The following ZNF407 variants were observed in gnomAD, a reference collection of about 807,000 sequenced individuals.
ZNF407 encodes the protein zinc finger protein 407.
Under a neutral mutation model 131.2 loss-of-function variants are expected in ZNF407, and 17 were observed. The observed-to-expected ratio is 0.13, with a 90% confidence interval of 0.09 to 0.19. ZNF407 has a LOEUF of 0.19. Ranked by LOEUF, ZNF407 falls within the 10% of genes least tolerant of loss-of-function variation. The probability of loss-of-function intolerance (pLI) is 1.00; values close to 1 mark genes in which losing one functional copy is unlikely to be tolerated. For missense variants in ZNF407, 2,681 were observed against 2,830.6 expected (o/e 0.95, Z 1.20); for synonymous variants, 1,156 against 1,062.0 (o/e 1.09, Z -1.72).
intron 8 of ZNF407, among the ~76,000 whole-genome samples, chr18:74,950,848 G>T (rs1972205747): frequency 6.6e-6 from 1 of 152,148 alleles, no homozygotes; most frequent in Admixed American, 6.5e-5. Flanking sequence ...CTTTTAACAG[G>T]ATATGGTTTT....
At chr18:74,618,756 A>G (rs1253446455) in intron 1 of ZNF407, among the ~76,000 whole-genome samples, 1 of 152,196 alleles carries the variant, frequency 6.6e-6, no homozygotes, top group East Asian at 1.9e-4. Flanking sequence ...TTCACCATGC[A>G]GAGGAAAAAA....
At chr18:74,617,139 C>G (rs980063626) in intron 1 of ZNF407, among the ~76,000 whole-genome samples, 6 of 151,016 alleles carry the variant, frequency 4.0e-5, no homozygotes, top group Non-Finnish European at 5.9e-5. Flanking sequence ...TATCCACACA[C>G]CACACACATC....
At chr18:74,840,772 C>A (rs1490673930) in intron 4 of ZNF407, among the ~76,000 whole-genome samples, 1 of 152,202 alleles carries the variant, frequency 6.6e-6, no homozygotes, top group Non-Finnish European at 1.5e-5. Flanking sequence ...CCTCTCATAG[C>A]TCACATCCTA....
chr18:74,877,941 G>A (rs902029706), intron 5 of ZNF407, among the ~76,000 whole-genome samples: 1 of 152,040 alleles, frequency 6.6e-6, no homozygotes, highest in Non-Finnish European at 1.5e-5. Context: ...TAATTTTTTT[G>A]GAAAGTTATT....
rs558627083 is a variant in ZNF407, at chr18:74,711,813, C to T, written c.4803-69615C>T. Among the ~76,000 whole-genome samples, 4 of 152,240 alleles carry T rather than the reference C, an allele frequency of 2.6e-5. No homozygotes were observed. In the South Asian group the frequency reaches 6.2e-4, roughly 24 times the overall value. The stretch of plus-strand genomic sequence containing the variant: ...GCAACCTCCGCCTCTCAGGTTCAAG[C>T]GATTCTCCTGCCTCAGCCTCCTGGG... On this transcript the variant is annotated intron_variant, in intron 3 of 8. Transcript: ENST00000299687.
At chr18:74,749,317 A>AT (rs1475294122) in intron 3 of ZNF407, among the ~76,000 whole-genome samples, 1 of 151,536 alleles carries the variant, frequency 6.6e-6, no homozygotes, top group Non-Finnish European at 1.5e-5. Flanking sequence ...CTTACCTTAT[A>AT]TTTTCTTCAC....
Position 74,632,849 on chromosome 18 carries a change from G to C in ZNF407, c.1830G>C (p.Lys610Asn). The C allele has an allele frequency of 6.2e-7, 1 of 1,613,566 alleles. No homozygotes were observed. The highest frequency in any genetic ancestry group is 1.1e-5 in the South Asian group (1 of 91,070). ...EINLRDHMKE[K>N]HNMHFLCTPC... Reference sequence around the variant, plus strand: ...ATCTTAGAGACCACATGAAGGAAAAGCACAATATGCATTTTCTTTGCACCC... The same window carrying C: ...ATCTTAGAGACCACATGAAGGAAAACCACAATATGCATTTTCTTTGCACCC... The change falls in exon 2 of 9, where the codon AAG becomes AAC. Residue 610 changes from lysine (K) to asparagine (N), a missense_variant. By Grantham distance (94) the Lys-to-Asn change is moderately conservative. Coordinates refer to ENST00000299687, the MANE Select transcript of ZNF407 (RefSeq NM_017757.3).
rs1045619828 is a variant in ZNF407, at chr18:74,965,130, C to T, written c.5428+44438C>T. On this transcript the variant is annotated intron_variant, in intron 8 of 8. Coordinates refer to ENST00000299687, the MANE Select transcript of ZNF407 (RefSeq NM_017757.3). ...ATCATGGAGAGTGAAGCATGCATCC[C>T]CTCAAGCATTTATCCTTTGTGTTAC... 1.3e-5 allele frequency among the ~76,000 whole-genome samples: 2 copies of T among 152,096 alleles called. 1 individual carries two copies. Among genetic ancestry groups the T allele is most frequent in the African/African-American group, 4.8e-5 (2 of 41,410 alleles).
chr18:74,630,071 TATGTA>T (rs1415888662), intron 1 of ZNF407, among the ~76,000 whole-genome samples: 1 of 152,070 alleles, frequency 6.6e-6, no homozygotes, highest in Non-Finnish European at 1.5e-5. Context: ...CGAATGGTGA[TATGTA>T]ATGAGATTAT....
At chr18:74,989,756 T>C (rs1423632613) in intron 8 of ZNF407, among the ~76,000 whole-genome samples, 1 of 150,864 alleles carries the variant, frequency 6.6e-6, no homozygotes, top group East Asian at 2.0e-4. Context: ...GGCAGGAGAA[T>C]CGCTTGAACC....
At position 74,915,623 on chromosome 18, in the gene ZNF407, A is replaced by AGT. The variant is rs779606527; in HGVS notation, c.5250-4877_5250-4876dup. ...GTGTGCAGCATTGGTTCGAATCGGG[A>AGT]GTGTGTGTGTGTGTGCGTGCATGTG... is the stretch of plus-strand genomic sequence containing the variant. On this transcript the variant is annotated intron_variant, in intron 7 of 8. Transcript: ENST00000299687. Among the ~76,000 whole-genome samples, 100 of 63,502 alleles carry AGT rather than the reference A, an allele frequency of 1.6e-3. 1 individual carries two copies. The highest frequency in any genetic ancestry group is 6.9e-3 in the African/African-American group (92 of 13,396). The allele number at this position is 63,502 out of a possible 152,430, so 41.7% of individuals were successfully genotyped here.
At chr18:74,673,825 T>G (rs1986249787) in intron 3 of ZNF407, among the ~76,000 whole-genome samples, 1 of 152,252 alleles carries the variant, frequency 6.6e-6, no homozygotes, top group African/African-American at 2.4e-5. Context: ...TATGATTCAT[T>G]GTTATTTACT....
chr18:74,698,008 G>A (rs1320771423), intron 3 of ZNF407, among the ~76,000 whole-genome samples: 2 of 152,142 alleles, frequency 1.3e-5, no homozygotes, highest in Admixed American at 6.6e-5. Context: ...TAAATCAGTG[G>A]CAACATCATA....
chr18:74,902,740 C>G (rs1971544931), intron 7 of ZNF407, among the ~76,000 whole-genome samples: 1 of 152,162 alleles, frequency 6.6e-6, no homozygotes, highest in South Asian at 2.1e-4. Context: ...TAATACTCAG[C>G]AACTGTAGAC....
At chr18:74,677,656 C>G (rs1259481277) in intron 3 of ZNF407, among the ~76,000 whole-genome samples, 1 of 152,120 alleles carries the variant, frequency 6.6e-6, no homozygotes, top group African/African-American at 2.4e-5. Flanking sequence ...TACTTACCCT[C>G]TGTTTCTTTT....
At chr18:74,972,063 A>T (rs1183532443) in intron 8 of ZNF407, among the ~76,000 whole-genome samples, 2 of 152,170 alleles carry the variant, frequency 1.3e-5, no homozygotes, top group African/African-American at 4.8e-5. Context: ...ATAGCACGGG[A>T]AAAACTGGCC....
At chr18:74,862,921 C>CTTT (rs34268986) in intron 4 of ZNF407, among the ~76,000 whole-genome samples, 3 of 138,516 alleles carry the variant, frequency 2.2e-5, no homozygotes, top group Admixed American at 7.2e-5. Context: ...TTATTTCTCA[C>CTTT]TTTTTTTTTT....
At chr18:74,711,217 T>G (rs1486058549) in intron 3 of ZNF407, among the ~76,000 whole-genome samples, 1 of 152,178 alleles carries the variant, frequency 6.6e-6, no homozygotes, top group Non-Finnish European at 1.5e-5. Flanking sequence ...GTTGGCAGAA[T>G]AAAGCACCCT....
intron 3 of ZNF407, among the ~76,000 whole-genome samples, chr18:74,706,020 C>T (rs1382020242): frequency 6.6e-6 from 1 of 152,172 alleles, no homozygotes; most frequent in East Asian, 1.9e-4. Flanking sequence ...GTATCTCATT[C>T]TATTTCCTTC....
Sources: gnomAD v4.1 joint callset for allele counts (sites outside exome capture counted in the v4.1 genomes callset) on GRCh38, gnomAD v4.1.1 for gene constraint, MANE v1.5 for transcripts, NCBI Gene and HGNC (gene_info 2026-07-23, HGNC 2026-07-21) for gene names.